DAB2: variants seen among roughly 807,000 people sequenced by gnomAD.
DAB2 encodes disabled homolog 2.
Under a neutral mutation model 71.6 loss-of-function variants are expected in DAB2, and 28 were observed. The observed-to-expected ratio is 0.39, with a 90% confidence interval of 0.29 to 0.54. DAB2 has a LOEUF of 0.54. DAB2 is among the 20% of genes least tolerant of loss of function. DAB2 has a pLI of 0.68. For synonymous variants in DAB2, 345 were observed against 339.7 expected (o/e 1.02, Z -0.17); for missense variants, 867 against 928.8 (o/e 0.93, Z 0.86).
At chr5:39,395,942 T>A (rs1037530732) in intron 1 of DAB2, among the ~76,000 whole-genome samples, 1 of 102,706 alleles carries the variant, frequency 9.7e-6, no homozygotes, top group Non-Finnish European at 2.0e-5. Context: ...ATATTCTTTT[T>A]TTTTTTTTTT....
chr5:39,387,455 T>C (rs1439720871), intron 9 of DAB2, among the ~76,000 whole-genome samples: 1 of 152,142 alleles, frequency 6.6e-6, no homozygotes, highest in African/African-American at 2.4e-5. Context: ...ACTAACGATG[T>C]GATTAGTTTT....
chr5:39,377,338 G>A, intron 11 of DAB2, 56 bp from the exon 12 acceptor site: 2 of 1,542,124 alleles, frequency 1.3e-6, no homozygotes, highest in Admixed American at 3.8e-5. Flanking sequence ...GAAGATTCTT[G>A]AATTTCAGAG....
intron 14 of DAB2, among the ~76,000 whole-genome samples, chr5:39,374,206 T>TTTG (rs141885470): frequency 6.6e-5 from 10 of 152,024 alleles, no homozygotes; most frequent in Admixed American, 2.0e-4. Flanking sequence ...GGGCTTGGTT[T>TTTG]TTGTTGTTGT....
chr5:39,390,493 C>A lies in DAB2; in HGVS notation c.413G>T (p.Cys138Phe). ...VTDNRAFGYV[C>F]GGEGQHQFFA... is the part of the protein sequence containing the mutation. ...AAACTGATGCTGGCCTTCTCCTCCA[C>A]ACACGTAACCAAATGCCCGGTTGTC... Residue 138 changes from cysteine to phenylalanine, a missense_variant, in exon 5 of 15, where the codon TGT becomes TTT. By Grantham distance (205) the Cys-to-Phe change is radical. Coordinates refer to ENST00000320816, the MANE Select transcript of DAB2 (RefSeq NM_001343.4). 1 of 1,614,128 alleles carries A rather than the reference C, an allele frequency of 6.2e-7. No homozygotes were observed. Among genetic ancestry groups the A allele is most frequent in the Non-Finnish European group, 8.5e-7 (1 of 1,180,002 alleles).
At chr5:39,388,555 G>T (rs984254976) in intron 8 of DAB2, among the ~76,000 whole-genome samples, 188 bp from the exon 9 acceptor site, 2 of 152,088 alleles carry the variant, frequency 1.3e-5, no homozygotes, top group Non-Finnish European at 2.9e-5. Flanking sequence ...AATCTATCTT[G>T]TCCACATCCT....
intron 1 of DAB2, chr5:39,423,853 G>T (rs1756042735): frequency 6.6e-6 from 1 of 151,938 alleles, no homozygotes; most frequent in South Asian, 2.1e-4. Context: ...GCTTGTTTCT[G>T]CTCTTCTCGG....
chr5:39,381,214 A>G (rs887194338), intron 11 of DAB2, among the ~76,000 whole-genome samples: 2 of 152,166 alleles, frequency 1.3e-5, no homozygotes, highest in African/African-American at 2.4e-5. Context: ...TGGTTCAAGT[A>G]AGTACAATAC....
At chr5:39,411,451 A>C (rs1047923891) in intron 1 of DAB2, among the ~76,000 whole-genome samples, 1 of 152,152 alleles carries the variant, frequency 6.6e-6, no homozygotes, top group Non-Finnish European at 1.5e-5. Flanking sequence ...TGGGATGGAC[A>C]CAAGTGATTA....
At position 39,381,132 on chromosome 5, in the gene DAB2, C is replaced by T. The variant is rs184693920; in HGVS notation, c.1504+322G>A. Among the ~76,000 whole-genome samples, 442 of 152,278 alleles carry T rather than the reference C, an allele frequency of 2.9e-3. 14 individuals carry two copies. The highest frequency in any genetic ancestry group is 0.024 in the Admixed American group (374 of 15,294). On this transcript the variant is annotated intron_variant, in intron 11 of 14. Transcript: ENST00000320816. ...GACAGACAAGCCTCTCTTATGTCAA[C>T]CCTGTTTTGCTACTGAAGCTGGTCT...
At chr5:39,381,159 A>T (rs956143117) in intron 11 of DAB2, among the ~76,000 whole-genome samples, 4 of 152,170 alleles carry the variant, frequency 2.6e-5, no homozygotes, top group African/African-American at 9.7e-5. Flanking sequence ...AGCTGGTCTG[A>T]GTTTAGAATC....
intron 1 of DAB2, among the ~76,000 whole-genome samples, chr5:39,420,178 A>G (rs1452690337): frequency 6.6e-6 from 1 of 152,258 alleles, no homozygotes; most frequent in Non-Finnish European, 1.5e-5. Context: ...TGTGAAATAC[A>G]CATCAAGCTA....
At chr5:39,381,056 G>T (rs1185297760) in intron 11 of DAB2, among the ~76,000 whole-genome samples, 1 of 152,150 alleles carries the variant, frequency 6.6e-6, no homozygotes, top group Non-Finnish European at 1.5e-5. Context: ...GTGTTGAAAG[G>T]ACATAGGCCT....
chr5:39,415,799 T>C (rs1254258016), intron 1 of DAB2, among the ~76,000 whole-genome samples: 2 of 152,164 alleles, frequency 1.3e-5, no homozygotes, highest in African/African-American at 4.8e-5. Flanking sequence ...CAGAACATGG[T>C]TGTGCCCACT....
intron 1 of DAB2, among the ~76,000 whole-genome samples, chr5:39,396,077 G>A (rs1755363928): frequency 6.6e-6 from 1 of 151,044 alleles, no homozygotes. Context: ...TGAGTAGCTG[G>A]GATTGGGATT....
intron 8 of DAB2, 55 bp from the exon 9 acceptor site, chr5:39,388,422 G>T: frequency 8.4e-7 from 1 of 1,184,798 alleles, no homozygotes; most frequent in South Asian, 1.3e-5. Flanking sequence ...AGATTACTTC[G>T]TATATTGTAA....
At chr5:39,388,067 T>C in intron 9 of DAB2, 1 of 441,402 alleles carries the variant, frequency 2.3e-6, no homozygotes. Flanking sequence ...AAGGACTACA[T>C]TGCTGACTTA....
At position 39,394,431 on chromosome 5, in the gene DAB2, G is replaced by T. The variant is rs534685811; in HGVS notation, c.-101-10C>A. On this transcript the variant is annotated splice_polypyrimidine_tract_variant and intron_variant, in intron 1 of 14. Coordinates refer to ENST00000320816, the MANE Select transcript of DAB2 (RefSeq NM_001343.4). ...AACCTCCCACAGACACCTGTAGGCA[G>T]AGTTTAGAGGCATATTGAGATCAGA... is the stretch of plus-strand genomic sequence containing the variant. The T allele has an allele frequency of 3.8e-6, 3 of 789,108 alleles. No homozygotes were observed. The Admixed American group carries it at 5.8e-5, about 15-fold the overall frequency. 48.9% of individuals were successfully genotyped at this position (789,108 alleles called of 1,614,324 possible).
chr5:39,409,147 C>G (rs1755668189), intron 1 of DAB2, among the ~76,000 whole-genome samples: 1 of 151,250 alleles, frequency 6.6e-6, no homozygotes, highest in Non-Finnish European at 1.5e-5. Flanking sequence ...AAAAAAAACT[C>G]TAAAAAGCTG....
intron 13 of DAB2, among the ~76,000 whole-genome samples, chr5:39,375,641 G>A (rs1754809101): frequency 6.6e-6 from 1 of 151,952 alleles, no homozygotes; most frequent in Non-Finnish European, 1.5e-5. Flanking sequence ...TCCCAGCACT[G>A]AGGGAGGCCA....
Sources: gnomAD v4.1 joint callset for allele counts (sites outside exome capture counted in the v4.1 genomes callset) on GRCh38, gnomAD v4.1.1 for gene constraint, MANE v1.5 for transcripts, NCBI Gene and HGNC (gene_info 2026-07-23, HGNC 2026-07-21) for gene names.